Variants in SCN8A observed in about 807,000 individuals in gnomAD.
The protein encoded by SCN8A is sodium channel protein type 8 subunit alpha.
In SCN8A, 30 loss-of-function variants were observed where a neutral mutation model predicts 184.1. The observed-to-expected ratio is 0.16, with a 90% CI of 0.12 to 0.22. SCN8A has a LOEUF of 0.22. Ranked by LOEUF, SCN8A falls within the 10% of genes least tolerant of loss-of-function variation. The pLI is 1.00. For synonymous variants in SCN8A, 852 were observed against 907.0 expected (o/e 0.94, Z 1.09); for missense variants, 1,057 against 2,498.9 (o/e 0.42, Z 12.30).
intron 8 of SCN8A, among the ~76,000 whole-genome samples, chr12:51,702,480 C>T (rs1385544670): frequency 6.6e-6 from 1 of 152,158 alleles, no homozygotes; most frequent in African/African-American, 2.4e-5. Flanking sequence ...CTTAAAAATG[C>T]AGATTCATAG....
In SCN8A at chr12:51,780,755, G is replaced by A. The variant is rs201255617; in HGVS notation, c.3926G>A (p.Arg1309Gln). The A allele has an allele frequency of 6.3e-7, 1 of 1,587,822 alleles. No individual in the cohort carries two copies. Among genetic ancestry groups the A allele is most frequent in the Non-Finnish European group, 8.5e-7 (1 of 1,172,104 alleles). ...TTGAGACCCTTAAGAGCCTTATCAC[G>A]ATTTGAAGGGATGAGGGTAAGATAC... is the stretch of plus-strand genomic sequence containing the variant. The part of the protein sequence containing the change: ...RALRPLRALS[R>Q]FEGMRVVVNA... The change falls in exon 21 of 27, where the codon CGA (arginine) becomes CAA (glutamine). Residue 1309 changes from arginine (R) to glutamine (Q), a missense_variant. By Grantham distance (43) the Arg-to-Gln change is conservative. This residue lies in a region of SCN8A where 7 missense variants were observed against 81.6 expected (regional missense o/e 0.09). Coordinates refer to ENST00000627620, the MANE Select transcript of SCN8A (RefSeq NM_001330260.2).
intron 26 of SCN8A, among the ~76,000 whole-genome samples, chr12:51,798,074 A>T (rs1938457004): frequency 6.6e-6 from 1 of 152,184 alleles, no homozygotes; most frequent in Non-Finnish European, 1.5e-5. Context: ...GATTCAAAGC[A>T]TACATGGCCT....
intron 1 of SCN8A, among the ~76,000 whole-genome samples, chr12:51,657,997 ATGT>A (rs1268057111): frequency 2.0e-5 from 3 of 151,930 alleles, no homozygotes; most frequent in Admixed American, 2.0e-4. Context: ...TGCTAATACC[ATGT>A]TGTTCTGGAT....
chr12:51,630,147 T>A (rs568747117), intron 1 of SCN8A, among the ~76,000 whole-genome samples: 5 of 152,346 alleles, frequency 3.3e-5, no homozygotes, highest in African/African-American at 1.2e-4. Flanking sequence ...TACCATTTTT[T>A]AAGTGTATGG....
chr12:51,630,851 A>T (rs12578946), intron 1 of SCN8A, among the ~76,000 whole-genome samples: 3,371 of 152,230 alleles, frequency 0.022, 187 homozygotes, highest in East Asian at 0.19. Context: ...TGTTCTCTGA[A>T]CTGTTTGTTT....
At chr12:51,660,346 A>G (rs1445241791) in intron 1 of SCN8A, among the ~76,000 whole-genome samples, 2 of 152,232 alleles carry the variant, frequency 1.3e-5, no homozygotes, top group Admixed American at 6.5e-5. Flanking sequence ...GGTGCCTGCA[A>G]TTAGATCACA....
chr12:51,774,152 T>G (rs1213966703), intron 19 of SCN8A, 37 bp from the exon 20 acceptor site: 3 of 1,607,350 alleles, frequency 1.9e-6, no homozygotes, highest in Non-Finnish European at 2.6e-6. Context: ...TGCTTGCCTT[T>G]AGGCACTGTC....
Position 51,790,400 on chromosome 12 carries a change from C to T in SCN8A, c.4422C>T (p.Phe1474=), listed in dbSNP as rs770284737. Residue 1474 remains phenylalanine (F), a splice_region_variant and synonymous_variant, in exon 25 of 27, where the codon TTC becomes TTT. Transcript: ENST00000627620. The stretch of plus-strand genomic sequence containing the variant: ...TGTTTTCTTCTTCCCTCCTTTACTT[C>T]GGAGGTCAGGACATCTTCATGACCG... ...IDNFNQQKKK[F]GGQDIFMTEE... is the part of the protein sequence containing the mutation. The T allele has an allele frequency of 5.6e-6, 9 of 1,602,578 alleles. No individual in the cohort carries two copies. Among genetic ancestry groups the T allele is most frequent in the Admixed American group, 3.4e-5 (2 of 58,208 alleles).
In SCN8A at chr12:51,593,698, TTA is replaced by T. The variant is rs1939283147; in HGVS notation, c.-55+2341_-55+2342del. Among the ~76,000 whole-genome samples, 6 of 152,288 alleles carry T rather than the reference TTA, an allele frequency of 3.9e-5. No homozygotes were observed. The South Asian group carries it at 1.2e-3, about 32-fold the overall frequency. ...ACATGATTGAGTTTTTTTTTGCTTT[TTA>T]TTATCAGCAGGCTTTCTCGTGGATG... is the stretch of plus-strand genomic sequence containing the variant. On this transcript the variant is annotated intron_variant, in intron 1 of 26. Transcript: ENST00000627620.
chr12:51,747,536 TTTA>T (rs1942531948), intron 13 of SCN8A, among the ~76,000 whole-genome samples: 1 of 152,120 alleles, frequency 6.6e-6, no homozygotes, highest in Non-Finnish European at 1.5e-5. Context: ...ACAGGTGCAT[TTTA>T]TTATTGGTAG....
intron 1 of SCN8A, among the ~76,000 whole-genome samples, chr12:51,625,005 C>G (rs1441089554): frequency 6.6e-6 from 1 of 152,064 alleles, no homozygotes; most frequent in Non-Finnish European, 1.5e-5. Flanking sequence ...CAGTCTACAT[C>G]CTATCCTGGG....
intron 20 of SCN8A, among the ~76,000 whole-genome samples, chr12:51,777,281 G>A (rs1036230871): frequency 6.6e-6 from 1 of 150,566 alleles, no homozygotes; most frequent in Non-Finnish European, 1.5e-5. Context: ...AATTTTTTTA[G>A]GTAGGTCTCA....
chr12:51,673,964 A>C (rs1214222572), intron 2 of SCN8A, among the ~76,000 whole-genome samples: 1 of 152,198 alleles, frequency 6.6e-6, no homozygotes, highest in African/African-American at 2.4e-5. Flanking sequence ...TTAAAAAAAA[A>C]TTCACCTGTC....
At chr12:51,638,029 AT>A (rs1294554755) in intron 1 of SCN8A, among the ~76,000 whole-genome samples, 3 of 152,280 alleles carry the variant, frequency 2.0e-5, no homozygotes. Context: ...CCTCTTAAGA[AT>A]TATACTAGAT....
chr12:51,697,033 C>T (rs1294820302), intron 6 of SCN8A, among the ~76,000 whole-genome samples: 6 of 80,666 alleles, frequency 7.4e-5, no homozygotes, highest in African/African-American at 2.0e-4. Context: ...AGCGAGAATC[C>T]GACTCAAAAA....
rs1942975704 is a variant in SCN8A at position 51,774,353 on chromosome 12, C to T, written c.3810C>T (p.Leu1270=). The change falls in exon 20 of 27, where the codon CTC becomes CTT. Residue 1270 remains leucine (L), a synonymous_variant. Transcript: ENST00000627620. ...ATGCCTGGTGTTGGCTGGACTTCCT[C>T]ATTGTGGCTGTAGGTGTCTTGCTTT... ...FTNAWCWLDF[L]IVAVSLVSLI... 1.2e-6 allele frequency: 2 copies of T among 1,609,322 alleles called. No homozygotes were observed. The highest frequency in any genetic ancestry group is 1.7e-6 in the Non-Finnish European group (2 of 1,177,282).
intron 26 of SCN8A, among the ~76,000 whole-genome samples, chr12:51,802,766 T>C (rs1314593969): frequency 6.6e-6 from 1 of 152,206 alleles, no homozygotes; most frequent in Non-Finnish European, 1.5e-5. Flanking sequence ...ACTAAACTCC[T>C]TGCCTCTCAA....
chr12:51,687,610 T>A (rs763247442), intron 5 of SCN8A, among the ~76,000 whole-genome samples: 1 of 152,222 alleles, frequency 6.6e-6, no homozygotes, highest in Non-Finnish European at 1.5e-5. Flanking sequence ...TTCCTGGGTA[T>A]GTCTTACCGT....
chr12:51,611,766 A>G (rs1364248868), intron 1 of SCN8A, among the ~76,000 whole-genome samples: 4 of 152,156 alleles, frequency 2.6e-5, no homozygotes, highest in Admixed American at 2.6e-4. Flanking sequence ...AAGTGTTGGG[A>G]TTACTGACGT....
Sources: gnomAD v4.1 joint callset for allele counts (sites outside exome capture counted in the v4.1 genomes callset) on GRCh38, gnomAD v4.1.1 for gene constraint, gnomAD v4.1.1 regional missense constraint, MANE v1.5 for transcripts, NCBI Gene and HGNC (gene_info 2026-07-23, HGNC 2026-07-21) for gene names.